The following CTCFL variants were observed in gnomAD, a reference collection of about 807,000 sequenced individuals.
The protein encoded by CTCFL is CCCTC-binding factor like.
CTCFL carries 36 observed loss-of-function variants against 67.4 expected under a neutral mutation model. The observed-to-expected ratio is 0.53, with a 90% CI of 0.41 to 0.71. The LOEUF (loss-of-function observed/expected upper bound fraction) is 0.71. Ranked by LOEUF, CTCFL falls within the 30% of genes least tolerant of loss-of-function variation. The probability of loss-of-function intolerance (pLI) is 0.00; values close to 1 mark genes in which losing one functional copy is unlikely to be tolerated. For synonymous variants in CTCFL, 324 were observed against 302.3 expected (o/e 1.07, Z -0.75); for missense variants, 786 against 835.2 (o/e 0.94, Z 0.73).
In CTCFL at chr20:57,514,607, G is replaced by A. The variant is rs1342376600; in HGVS notation, c.1315C>T (p.Arg439Trp). The stretch of plus-strand genomic sequence containing the variant: ...AACCACTCACGTAGGTCGCTTTTCC[G>A]TGCAATGATGGTGGCACAATGGGGA... ...QCPHCATIIA[R>W]KSDLRVHMRN... The change falls in exon 7 of 11, where the codon CGG (arginine) becomes TGG (tryptophan). Residue 439 changes from arginine to tryptophan, a missense_variant. Arg to Trp is a moderately radical substitution (Grantham distance 101). Around this residue, in one of 3 missense-constraint regions of CTCFL, gnomAD observed 254 missense variants for 333.9 expected, o/e 0.76. Transcript: ENST00000243914. 10 of 1,614,024 alleles carry A rather than the reference G, an allele frequency of 6.2e-6. No homozygotes were observed. Among genetic ancestry groups the A allele is most frequent in the Middle Eastern group, 1.6e-4 (1 of 6,084 alleles).
Position 57,524,140 on chromosome 20 carries a change from C to T in CTCFL, c.66G>A (p.Met22Ile), listed in dbSNP as rs758541461. The change falls in exon 2 of 11, where the codon ATG becomes ATA. Residue 22 changes from methionine (M) to isoleucine (I), a missense_variant. Physicochemically the swap from Met to Ile is conservative, Grantham distance 10 (BLOSUM62 1). Transcript: ENST00000243914. Reference sequence around the variant, plus strand: ...CCTCCTCCTTCAGGCCTTTTTCCGGCATCAACTCGAGTTCTTTGATCTTGG... The same window carrying T: ...CCTCCTCCTTCAGGCCTTTTTCCGGTATCAACTCGAGTTCTTTGATCTTGG... ...QFTKIKELEL[M>I]PEKGLKEEEK... 31 of 1,613,614 alleles carry T rather than the reference C, an allele frequency of 1.9e-5. No individual in the cohort carries two copies. In the South Asian group the frequency reaches 3.1e-4, roughly 16 times the overall value.
rs550352987 is a variant in CTCFL, at chr20:57,497,186, A to G, written c.*1364T>C. Reference sequence around the variant, plus strand: ...AAATATAGCAATTTTAAGTCATTTCATTTTATTGAATTATGTAAAACATCT... The same window carrying G: ...AAATATAGCAATTTTAAGTCATTTCGTTTTATTGAATTATGTAAAACATCT... On this transcript the variant is annotated 3_prime_UTR_variant, in exon 11 of 11. Transcript: ENST00000243914. 5 of 875,302 alleles carry G rather than the reference A, an allele frequency of 5.7e-6. No individual in the cohort carries two copies. In the African/African-American group the frequency reaches 9.1e-5, roughly 16 times the overall value. The allele number at this position is 875,302 out of a possible 1,614,324, so 54.2% of individuals were successfully genotyped here.
At chr20:57,508,936 G>A (rs1414099437) in intron 8 of CTCFL, 148 bp from the exon 9 acceptor site, 1 of 753,970 alleles carries the variant, frequency 1.3e-6, no homozygotes, top group Non-Finnish European at 2.1e-6. Flanking sequence ...TCTGAACAAG[G>A]CAGCATTCAC....
In CTCFL at chr20:57,498,073, A is replaced by G. The variant is rs1464934562; in HGVS notation, c.*477T>C. ...ATTTGTCTTTAATGTTTAAAACCAT[A>G]TATTATTAGAAATATCATGGGTGTA... On this transcript the variant is annotated 3_prime_UTR_variant, in exon 11 of 11. Coordinates refer to ENST00000243914, the MANE Select transcript of CTCFL (RefSeq NM_001386993.1). 8 of 908,804 alleles carry G rather than the reference A, an allele frequency of 8.8e-6. No homozygotes were observed. The highest frequency in any genetic ancestry group is 9.2e-6 in the Non-Finnish European group (7 of 760,180). 56.3% of individuals were successfully genotyped at this position (908,804 alleles called of 1,614,324 possible). A position where few individuals can be genotyped will look rare whatever the true frequency, so the allele number is the denominator to read the frequency against.
At chr20:57,497,163 A>C (rs950507891), downstream of CTCFL, 1 of 778,126 alleles carries the variant, frequency 1.3e-6, no homozygotes, top group Non-Finnish European at 1.6e-6. Context: ...CATATAACAA[A>C]TATAGCAATT....
In CTCFL at chr20:57,497,332, G is replaced by A. The variant is rs988621065; in HGVS notation, c.*1218C>T. On this transcript the variant is annotated 3_prime_UTR_variant, in exon 11 of 11. Transcript: ENST00000243914. The stretch of plus-strand genomic sequence containing the variant: ...AGTTAAATTAATTTGCTGGTACAAA[G>A]AGAATATAATGCTCTTCCTGCTGGG... 7.1e-6 allele frequency: 7 copies of A among 985,154 alleles called. No homozygotes were observed. The African/African-American group carries it at 8.7e-5, about 12-fold the overall frequency. The allele number at this position is 985,154 out of a possible 1,614,324, so 61.0% of individuals were successfully genotyped here.
intron 1 of CTCFL, chr20:57,524,533 ATAT>A: frequency 8.9e-7 from 1 of 1,121,468 alleles, no homozygotes; most frequent in Non-Finnish European, 1.1e-6. Context: ...GGCCCAGTGC[ATAT>A]CCTGGGCCTA....
intron 9 of CTCFL, among the ~76,000 whole-genome samples, chr20:57,505,380 C>A (rs1029656857): frequency 1.3e-5 from 2 of 151,614 alleles, no homozygotes; most frequent in African/African-American, 4.8e-5. Context: ...CTCAGCCTCC[C>A]GAGTAGCTGG....
At position 57,498,189 on chromosome 20, in the gene CTCFL, A is replaced by G; in HGVS notation, c.*361T>C. On this transcript the variant is annotated 3_prime_UTR_variant, in exon 11 of 11. Coordinates refer to ENST00000243914, the MANE Select transcript of CTCFL (RefSeq NM_001386993.1). ...AATATCCAAAAATCACTACTCACTCATTGTGGGCCACCTTGCCAATATCAA... is the reference window on the plus strand; with the variant it reads ...AATATCCAAAAATCACTACTCACTCGTTGTGGGCCACCTTGCCAATATCAA... 1 of 998,964 alleles carries G rather than the reference A, an allele frequency of 1.0e-6. No individual in the cohort carries two copies. Among genetic ancestry groups the G allele is most frequent in the Middle Eastern group, 5.1e-4 (1 of 1,966 alleles). 61.9% of individuals were successfully genotyped at this position (998,964 alleles called of 1,614,324 possible). A position where few individuals can be genotyped will look rare whatever the true frequency, so the allele number is the denominator to read the frequency against.
rs2068874794 is a variant in CTCFL at position 57,515,801 on chromosome 20, T to C, written c.1093A>G (p.Thr365Ala). Residue 365 changes from threonine to alanine, a missense_variant, in exon 6 of 11, where the codon ACT becomes GCT. This residue lies in a region of CTCFL where 254 missense variants were observed against 333.9 expected (regional missense o/e 0.76). Coordinates refer to ENST00000243914, the MANE Select transcript of CTCFL (RefSeq NM_001386993.1). ...CAACACTGAAAGGGGCGCTCCCCAG[T>C]GTGGGATCGGACATGGCGCTTCAAT... ...SKLKRHVRSHTGERPFQCCQC... is the reference protein window; with the variant it reads ...SKLKRHVRSHAGERPFQCCQC... 3 of 1,614,070 alleles carry C rather than the reference T, an allele frequency of 1.9e-6. No homozygotes were observed. The highest frequency in any genetic ancestry group is 2.5e-6 in the Non-Finnish European group (3 of 1,180,002).
chr20:57,508,021 T>C, intron 9 of CTCFL: 1 of 613,130 alleles, frequency 1.6e-6, no homozygotes, highest in Non-Finnish European at 2.9e-6. Flanking sequence ...TGACTCACTG[T>C]AGCCTCCAAC....
chr20:57,503,648 A>G lies in CTCFL; in HGVS notation c.1675-47T>C, dbSNP rs761932459. On this transcript the variant is annotated intron_variant, in intron 9 of 10. Transcript: ENST00000243914. ...ACACACAAGGCGAGTGAGATGGGGC[A>G]GGGACCCCTCTCAGGGGCCTGTGGG... The G allele has an allele frequency of 6.2e-6, 10 of 1,600,212 alleles. 1 individual carries two copies. Among genetic ancestry groups the G allele is most frequent in the Non-Finnish European group, 8.5e-6 (10 of 1,169,692 alleles).
At chr20:57,503,658 C>T in intron 9 of CTCFL, 57 bp from the exon 10 acceptor site, 2 of 1,573,548 alleles carry the variant, frequency 1.3e-6, no homozygotes, top group East Asian at 4.5e-5. Flanking sequence ...AGGGACCCCT[C>T]TCAGGGGCCT....
chr20:57,523,714 A>G lies in CTCFL; in HGVS notation c.492T>C (p.Ser164=), dbSNP rs2069583131. ...HALEENVMVA[S]EDSKLAVSLA... is the part of the protein sequence containing the mutation. ...GGCTCACCGCTAACTTACTGTCTTC[A>G]CTGGCCACCATCACATTCTCCTCTA... The change falls in exon 2 of 11, where the codon AGT becomes AGC. Residue 164 remains serine, a synonymous_variant. Coordinates refer to ENST00000243914, the MANE Select transcript of CTCFL (RefSeq NM_001386993.1). The G allele has an allele frequency of 1.2e-6, 2 of 1,613,464 alleles. No individual in the cohort carries two copies. Among genetic ancestry groups the G allele is most frequent in the East Asian group, 4.5e-5 (2 of 44,888 alleles).
chr20:57,520,695 T>C (rs900291945), intron 3 of CTCFL, among the ~76,000 whole-genome samples: 1 of 152,222 alleles, frequency 6.6e-6, no homozygotes, highest in Non-Finnish European at 1.5e-5. Context: ...TCTCAATAGA[T>C]GCAGAAAAAG....
rs762101417 is a variant in CTCFL, at chr20:57,524,216, C to T, written c.-11G>A. The stretch of plus-strand genomic sequence containing the variant: ...CTCAGTGGCTGCCATAATGACTTGG[C>T]CTGTTTGAAAAATAAGCAAGCGGTT... On this transcript the variant is annotated splice_region_variant and 5_prime_UTR_variant, in exon 2 of 11. Transcript: ENST00000243914. 1 of 1,606,690 alleles carries T rather than the reference C, an allele frequency of 6.2e-7. No homozygotes were observed. Among genetic ancestry groups the T allele is most frequent in the Non-Finnish European group, 8.5e-7 (1 of 1,177,228 alleles).
intron 3 of CTCFL, among the ~76,000 whole-genome samples, 166 bp downstream of exon 3, chr20:57,522,902 C>G (rs994981714): frequency 6.6e-6 from 1 of 152,228 alleles, no homozygotes; most frequent in Non-Finnish European, 1.5e-5. Context: ...CAAAACCCTT[C>G]TGGATTTGAT....
chr20:57,512,844 G>C, intron 7 of CTCFL, 92 bp from the exon 8 acceptor site: 1 of 1,268,522 alleles, frequency 7.9e-7, no homozygotes. Flanking sequence ...TCTCAGCCTT[G>C]GCGCTGGAAC....
At chr20:57,496,279 G>A (rs576580733), downstream of CTCFL, 20 of 692,840 alleles carry the variant, frequency 2.9e-5, no homozygotes, top group Admixed American at 1.0e-4. Context: ...CTCCCTCTTC[G>A]CCTTCTGCCT....
Sources: allele counts gnomAD v4.1 joint callset (sites outside exome capture counted in the v4.1 genomes callset), GRCh38; gene constraint gnomAD v4.1.1; regional missense constraint gnomAD v4.1.1; transcripts MANE v1.5; gene names NCBI Gene and HGNC (gene_info 2026-07-23, HGNC 2026-07-21).